The following NUS1 variants were observed in gnomAD, a reference collection of about 807,000 sequenced individuals.
The protein encoded by NUS1 is dehydrodolichyl diphosphate synthase complex subunit NUS1.
For missense variants in NUS1, 292 were observed against 382.9 expected, an observed-to-expected ratio of 0.76 and a Z score of 1.98; for synonymous variants, 135 against 155.2, an observed-to-expected ratio of 0.87 and a Z score of 0.97.
chr6:117,691,474 G>A (rs1773215685), intron 1 of NUS1, among the ~76,000 whole-genome samples: 1 of 150,110 alleles, frequency 6.7e-6, no homozygotes, highest in Non-Finnish European at 1.5e-5. Context: ...CACCAAAGGA[G>A]ACTTTTGTAA....
intron 4 of NUS1, among the ~76,000 whole-genome samples, chr6:117,703,988 G>A (rs1292018341): frequency 6.6e-6 from 1 of 152,110 alleles, no homozygotes; most frequent in Non-Finnish European, 1.5e-5. Context: ...ACATAAAATG[G>A]GTAGTTTTCT....
intron 3 of NUS1, among the ~76,000 whole-genome samples, chr6:117,697,651 A>G (rs751225567): frequency 3.7e-4 from 57 of 152,168 alleles, no homozygotes; most frequent in Middle Eastern, 6.8e-3. Context: ...GAACCCAGAT[A>G]TATAAAGCCA....
intron 1 of NUS1, among the ~76,000 whole-genome samples, chr6:117,688,985 T>G (rs1773178886): frequency 6.6e-6 from 1 of 152,232 alleles, no homozygotes; most frequent in South Asian, 2.1e-4. Context: ...AAGGACCACA[T>G]GGACAGAAAG....
At position 117,708,525 on chromosome 6, in the gene NUS1, T is replaced by G. The variant is rs1250194008; in HGVS notation, c.*1510T>G. On this transcript the variant is annotated 3_prime_UTR_variant, in exon 5 of 5. Transcript: ENST00000368494. ...GCTATGAAGAATAAATGTTTCAACT[T>G]TGGATTATGAAACCCCATTTATGAT... 1 of 152,338 alleles carries G rather than the reference T, an allele frequency of 6.6e-6. No individual in the cohort carries two copies. Among genetic ancestry groups the G allele is most frequent in the African/African-American group, 2.4e-5 (1 of 41,412 alleles). 9.4% of individuals were successfully genotyped at this position (152,338 alleles called of 1,614,324 possible).
intron 1 of NUS1, among the ~76,000 whole-genome samples, chr6:117,676,556 C>T (rs979822483): frequency 5.9e-5 from 9 of 152,114 alleles, no homozygotes; most frequent in Non-Finnish European, 1.2e-4. Context: ...CCAGCCTGGG[C>T]AACAAGAGCG....
intron 3 of NUS1, among the ~76,000 whole-genome samples, chr6:117,695,148 C>T (rs1378791257): frequency 8.0e-6 from 1 of 124,578 alleles, no homozygotes; most frequent in Non-Finnish European, 1.6e-5. Context: ...GAGCCAAGAT[C>T]GCATCAGTAC....
intron 1 of NUS1, among the ~76,000 whole-genome samples, chr6:117,681,483 A>G (rs1280041990): frequency 6.6e-6 from 1 of 152,238 alleles, no homozygotes; most frequent in Non-Finnish European, 1.5e-5. Context: ...CAGAAGCCTT[A>G]AAGTAATGGA....
chr6:117,702,469 T>C (rs934841120), intron 3 of NUS1, among the ~76,000 whole-genome samples: 1 of 151,970 alleles, frequency 6.6e-6, no homozygotes, highest in Non-Finnish European at 1.5e-5. Context: ...AGCTCTAGCT[T>C]TTTTTTTGTT....
intron 1 of NUS1, among the ~76,000 whole-genome samples, chr6:117,687,029 C>G (rs186639578): frequency 7.2e-5 from 11 of 152,230 alleles, no homozygotes; most frequent in African/African-American, 2.2e-4. Context: ...TATCTACACT[C>G]TTAGCAATTC....
At chr6:117,698,479 A>C (rs1341207365) in intron 3 of NUS1, among the ~76,000 whole-genome samples, 1 of 152,106 alleles carries the variant, frequency 6.6e-6, no homozygotes, top group Admixed American at 6.5e-5. Flanking sequence ...AAGAAATCCA[A>C]ATCCTGAAGA....
rs529501146 is a variant in NUS1 at position 117,691,386 on chromosome 6, C to G, written c.416-1656C>G. 4.6e-5 allele frequency among the ~76,000 whole-genome samples: 7 copies of G among 151,712 alleles called. No individual in the cohort carries two copies. The South Asian group carries it at 1.2e-3, about 27-fold the overall frequency. ...CTTTTTCTTAAGCATTTTTTCCCACCTGATATCTTCTCTAGTTTTTTCTGG... is the reference window on the plus strand; with the variant it reads ...CTTTTTCTTAAGCATTTTTTCCCACGTGATATCTTCTCTAGTTTTTTCTGG... On this transcript the variant is annotated intron_variant, in intron 1 of 4. Transcript: ENST00000368494.
chr6:117,679,137 C>G (rs1278479504), intron 1 of NUS1, among the ~76,000 whole-genome samples: 1 of 152,120 alleles, frequency 6.6e-6, no homozygotes, highest in East Asian at 1.9e-4. Context: ...GTAAGGATGT[C>G]CATTAAAAAT....
intron 1 of NUS1, among the ~76,000 whole-genome samples, chr6:117,680,992 T>C (rs941480269): frequency 3.9e-5 from 6 of 152,246 alleles, no homozygotes; most frequent in African/African-American, 1.2e-4. Flanking sequence ...TGTTTCTCAA[T>C]GCTTTGCATA....
chr6:117,690,474 T>G (rs1402248645), intron 1 of NUS1, among the ~76,000 whole-genome samples: 2 of 152,218 alleles, frequency 1.3e-5, no homozygotes, highest in Non-Finnish European at 2.9e-5. Flanking sequence ...AGACATTTAT[T>G]TATTGTTTGC....
intron 4 of NUS1, among the ~76,000 whole-genome samples, chr6:117,706,004 CTTT>C (rs1439895743): frequency 6.6e-6 from 1 of 152,080 alleles, no homozygotes; most frequent in Non-Finnish European, 1.5e-5. Flanking sequence ...TTTGTTCACT[CTTT>C]TTTTGTGGTG....
chr6:117,679,966 C>T (rs1354929532), intron 1 of NUS1, among the ~76,000 whole-genome samples: 1 of 152,130 alleles, frequency 6.6e-6, no homozygotes, highest in Non-Finnish European at 1.5e-5. Context: ...AGCTTACCAC[C>T]TTACATTTTA....
At chr6:117,694,209 A>G (rs1773284704) in intron 3 of NUS1, 29 bp downstream of exon 3, 2 of 1,247,964 alleles carry the variant, frequency 1.6e-6, no homozygotes, top group African/African-American at 1.6e-5. Flanking sequence ...ATATACATAT[A>G]TATGTATATG....
chr6:117,706,876 A>G, intron 4 of NUS1, 49 bp from the exon 5 acceptor site: 12 of 1,440,690 alleles, frequency 8.3e-6, no homozygotes, highest in Non-Finnish European at 1.2e-5. Context: ...TCCCCCCTAC[A>G]TTACAGTGTA....
In NUS1 at chr6:117,707,935, T is replaced by C. The variant is rs1213848888; in HGVS notation, c.*920T>C. On this transcript the variant is annotated 3_prime_UTR_variant, in exon 5 of 5. Coordinates refer to ENST00000368494, the MANE Select transcript of NUS1 (RefSeq NM_138459.5). ...ATTTCCTTTTTTGTTTGATGGGCAG[T>C]ATGCCATATTATACCCAAAGTTCTT... 1.3e-5 allele frequency: 2 copies of C among 152,280 alleles called. No homozygotes were observed. Among genetic ancestry groups the C allele is most frequent in the Non-Finnish European group, 2.9e-5 (2 of 68,042 alleles). 9.4% of individuals were successfully genotyped at this position (152,280 alleles called of 1,614,324 possible).
Sources: gnomAD v4.1 joint callset for allele counts (sites outside exome capture counted in the v4.1 genomes callset) on GRCh38, gnomAD v4.1.1 for gene constraint, MANE v1.5 for transcripts, NCBI Gene and HGNC (gene_info 2026-07-23, HGNC 2026-07-21) for gene names.